CD84: variants seen among roughly 807,000 people sequenced by gnomAD.
The protein encoded by CD84 is SLAM family member 5.
CD84 carries 22 observed loss-of-function variants against 33.8 expected under a neutral mutation model. The observed-to-expected ratio is 0.65, with a 90% CI of 0.46 to 0.93. The LOEUF is 0.93. Among genes scored for constraint, CD84 ranks in the 40% least tolerant of loss-of-function variants. The pLI, the probability that CD84 is intolerant of heterozygous loss-of-function variation, is 0.00. For synonymous variants in CD84, 154 were observed against 145.2 expected, an observed-to-expected ratio of 1.06 and a Z score of -0.44; for missense variants, 400 against 397.6, an observed-to-expected ratio of 1.01 and a Z score of -0.05.
At chr1:160,575,494 AACACACACACAC>A (rs3078967) in intron 1 of CD84, among the ~76,000 whole-genome samples, 3 of 146,804 alleles carry the variant, frequency 2.0e-5, no homozygotes, top group South Asian at 2.2e-4. Flanking sequence ...GTTCCTTCAA[AACACACACACAC>A]ACACACACAC....
chr1:160,568,711 C>T (rs1026909725), intron 1 of CD84, among the ~76,000 whole-genome samples: 2 of 152,050 alleles, frequency 1.3e-5, no homozygotes, highest in Admixed American at 1.3e-4. Context: ...ACCTCCACCT[C>T]CCGGGTTCAG....
At chr1:160,569,633 G>A (rs371203008) in intron 1 of CD84, among the ~76,000 whole-genome samples, 2 of 151,978 alleles carry the variant, frequency 1.3e-5, no homozygotes, top group African/African-American at 4.8e-5. Context: ...CAGTGATTAC[G>A]GTAGGAATTC....
intron 3 of CD84, 66 bp from the exon 4 acceptor site, chr1:160,553,563 G>C: frequency 1.3e-6 from 2 of 1,588,468 alleles, no homozygotes; most frequent in South Asian, 2.2e-5. Context: ...GGGCAGGTTT[G>C]CCCACAGTCA....
Position 160,548,177 on chromosome 1 carries a change from GAGA to G in CD84, c.*76_*78del, listed in dbSNP as rs1246486680. 8.2e-6 allele frequency: 12 copies of G among 1,460,402 alleles called. No individual in the cohort carries two copies. In the South Asian group the frequency reaches 1.4e-4, roughly 17 times the overall value. The allele number at this position is 1,460,402 out of a possible 1,614,324, so 90.5% of individuals were successfully genotyped here. A position where few individuals can be genotyped will look rare whatever the true frequency, so the allele number is the denominator to read the frequency against. ...GCAATCTCCCAGTAAGAGTTGGGCA[GAGA>G]AGATCTGGATCCAGGGAACCTGCCA... On this transcript the variant is annotated 3_prime_UTR_variant, in exon 7 of 7. Coordinates refer to ENST00000368054, the MANE Select transcript of CD84 (RefSeq NM_003874.4).
Position 160,543,102 on chromosome 1 carries a change from C to T in CD84, c.*5154G>A, listed in dbSNP as rs1655627659. The T allele has an allele frequency of 6.6e-6, 1 of 152,096 alleles. No homozygotes were observed. Among genetic ancestry groups the T allele is most frequent in the Non-Finnish European group, 1.5e-5 (1 of 68,024 alleles). The allele number at this position is 152,096 out of a possible 1,614,324, so 9.4% of individuals were successfully genotyped here. The stretch of plus-strand genomic sequence containing the variant: ...AATGCATATAGAGAGCTCTATCCAA[C>T]CTTCTTTAATTAAATGGGCATTTTC... On this transcript the variant is annotated 3_prime_UTR_variant, in exon 7 of 7. Transcript: ENST00000368054.
chr1:160,563,383 T>G (rs1657116727), intron 2 of CD84, among the ~76,000 whole-genome samples: 1 of 152,198 alleles, frequency 6.6e-6, no homozygotes, highest in South Asian at 2.1e-4. Flanking sequence ...AAAGAAAATG[T>G]GGTACATATA....
intron 6 of CD84, among the ~76,000 whole-genome samples, 189 bp from the exon 7 acceptor site, chr1:160,548,510 C>G (rs542184627): frequency 1.3e-5 from 2 of 152,244 alleles, no homozygotes; most frequent in African/African-American, 4.8e-5. Context: ...CCAGCTACCC[C>G]CCATTTGGGA....
In CD84 at chr1:160,546,040, G is replaced by C. The variant is rs559069185; in HGVS notation, c.*2216C>G. ...CTCACTCTGTCTCTCCCAGGCTGGA[G>C]TGCAGTGGTGTGATCTCAGCTCACT... On this transcript the variant is annotated 3_prime_UTR_variant, in exon 7 of 7. Transcript: ENST00000368054. 5.9e-5 allele frequency: 9 copies of C among 151,628 alleles called. No individual in the cohort carries two copies. Among genetic ancestry groups the C allele is most frequent in the African/African-American group, 2.2e-4 (9 of 41,248 alleles). The allele number at this position is 151,628 out of a possible 1,614,324, so 9.4% of individuals were successfully genotyped here.
rs6427528 is a variant in CD84 at position 160,546,518 on chromosome 1, A to G, written c.*1738T>C. 121,151 of 152,198 alleles carry G rather than the reference A, an allele frequency of 0.8. 49,644 individuals carry two copies. Among genetic ancestry groups the G allele is most frequent in the Non-Finnish European group, 0.91 (61,893 of 68,084 alleles). 9.4% of individuals were successfully genotyped at this position (152,198 alleles called of 1,614,324 possible). A position where few individuals can be genotyped will look rare whatever the true frequency, so the allele number is the denominator to read the frequency against. Reference sequence around the variant, plus strand: ...AGGACATGTAAATGGACATGGGGTGAGGGCACACATCTGGCTGGGACACTC... The same window carrying G: ...AGGACATGTAAATGGACATGGGGTGGGGGCACACATCTGGCTGGGACACTC... On this transcript the variant is annotated 3_prime_UTR_variant, in exon 7 of 7. Coordinates refer to ENST00000368054, the MANE Select transcript of CD84 (RefSeq NM_003874.4).
intron 4 of CD84, among the ~76,000 whole-genome samples, chr1:160,552,235 G>A (rs1249729422): frequency 1.3e-5 from 2 of 152,138 alleles, no homozygotes; most frequent in African/African-American, 4.8e-5. Flanking sequence ...AAGAGTCAGC[G>A]AGGGATTGAA....
rs952120274 is a variant in CD84, at chr1:160,545,585, T to C, written c.*2671A>G. 3.1e-4 allele frequency: 47 copies of C among 152,280 alleles called. No homozygotes were observed. Among genetic ancestry groups the C allele is most frequent in the African/African-American group, 1.0e-3 (43 of 41,550 alleles). 9.4% of individuals were successfully genotyped at this position (152,280 alleles called of 1,614,324 possible). A position where few individuals can be genotyped will look rare whatever the true frequency, so the allele number is the denominator to read the frequency against. ...AAAGTCTTCTCCCTCCAAAGTGCCTTTACACTAGGAACAGCCTCTGATGTA... is the reference window on the plus strand; with the variant it reads ...AAAGTCTTCTCCCTCCAAAGTGCCTCTACACTAGGAACAGCCTCTGATGTA... On this transcript the variant is annotated 3_prime_UTR_variant, in exon 7 of 7. Transcript: ENST00000368054.
At position 160,542,478 on chromosome 1, in the gene CD84, T is replaced by C. The variant is rs1381726392; in HGVS notation, c.*5778A>G. The C allele has an allele frequency of 6.6e-6, 1 of 152,224 alleles. No individual in the cohort carries two copies. The highest frequency in any genetic ancestry group is 6.5e-5 in the Admixed American group (1 of 15,290). 9.4% of individuals were successfully genotyped at this position (152,224 alleles called of 1,614,324 possible). A position where few individuals can be genotyped will look rare whatever the true frequency, so the allele number is the denominator to read the frequency against. On this transcript the variant is annotated 3_prime_UTR_variant, in exon 7 of 7. Coordinates refer to ENST00000368054, the MANE Select transcript of CD84 (RefSeq NM_003874.4). ...CTGACATCTATGCAGAGATGACCCA[T>C]AAACTATTGGAAATACAAGTTGTAA...
chr1:160,572,364 G>A (rs1489071881), intron 1 of CD84, among the ~76,000 whole-genome samples: 3 of 152,162 alleles, frequency 2.0e-5, no homozygotes, highest in Admixed American at 6.6e-5. Flanking sequence ...GACCAGCTAG[G>A]AGGTATACAG....
intron 1 of CD84, among the ~76,000 whole-genome samples, chr1:160,574,780 C>A (rs888527471): frequency 2.0e-5 from 3 of 152,010 alleles, no homozygotes; most frequent in African/African-American, 7.3e-5. Context: ...GTAATATTAG[C>A]ACATTGGTGA....
rs116519085 is a variant in CD84, at chr1:160,577,573, C to T, written c.46+1819G>A. Among the ~76,000 whole-genome samples, 800 of 152,284 alleles carry T rather than the reference C, an allele frequency of 5.3e-3. 5 individuals carry two copies. Among genetic ancestry groups the T allele is most frequent in the African/African-American group, 0.018 (758 of 41,554 alleles). ...ACCAACACCTAAGCTCAAACTCCCA[C>T]CACCTTTTCTCCTGTTTATGTTCCT... On this transcript the variant is annotated intron_variant, in intron 1 of 6. Transcript: ENST00000368054.
At chr1:160,551,847 T>A (rs969821936) in intron 4 of CD84, among the ~76,000 whole-genome samples, 3 of 152,226 alleles carry the variant, frequency 2.0e-5, no homozygotes, top group African/African-American at 7.2e-5. Flanking sequence ...ACCCTGCCAG[T>A]TCACACAGTT....
intron 1 of CD84, among the ~76,000 whole-genome samples, chr1:160,574,963 G>A (rs942613512): frequency 7.2e-5 from 11 of 152,062 alleles, no homozygotes; most frequent in Non-Finnish European, 2.9e-5. Context: ...AGACAACTAC[G>A]AAGGGAAAAA....
chr1:160,566,959 C>T (rs767723263), intron 1 of CD84, among the ~76,000 whole-genome samples: 5 of 152,196 alleles, frequency 3.3e-5, no homozygotes, highest in African/African-American at 4.8e-5. Flanking sequence ...TTCTCCTCCT[C>T]TTCTTCATTA....
intron 2 of CD84, among the ~76,000 whole-genome samples, chr1:160,558,829 T>C (rs895498504): frequency 6.6e-6 from 1 of 151,452 alleles, no homozygotes; most frequent in Admixed American, 6.6e-5. Context: ...CAACACGAGA[T>C]ACTGATCACA....
Sources: allele counts gnomAD v4.1 joint callset (sites outside exome capture counted in the v4.1 genomes callset), GRCh38; gene constraint gnomAD v4.1.1; transcripts MANE v1.5; gene names NCBI Gene and HGNC (gene_info 2026-07-23, HGNC 2026-07-21).